Variants in CLYBL observed in about 807,000 individuals in gnomAD.
CLYBL encodes the protein citramalyl-CoA lyase, mitochondrial.
In CLYBL, 31 loss-of-function variants were observed where a neutral mutation model predicts 38.9. That is an observed-to-expected ratio of 0.80 (90% CI 0.60 to 1.08). The LOEUF (loss-of-function observed/expected upper bound fraction) is 1.08, where lower values mean the gene tolerates loss of function less well. CLYBL is among the 50% of genes least tolerant of loss of function. The pLI, the probability that CLYBL is intolerant of heterozygous loss-of-function variation, is 0.00. For synonymous variants in CLYBL, 171 were observed against 158.6 expected, an observed-to-expected ratio of 1.08 and a Z score of -0.59; for missense variants, 434 against 411.6, an observed-to-expected ratio of 1.05 and a Z score of -0.47.
chr13:99,816,624 A>C (rs1566338762), intron 2 of CLYBL, among the ~76,000 whole-genome samples: 1 of 152,338 alleles, frequency 6.6e-6, no homozygotes, highest in East Asian at 1.9e-4. Flanking sequence ...ACTAGCGCCC[A>C]TATGAAAGAG....
At chr13:99,738,945 A>G (rs921712898) in intron 1 of CLYBL, among the ~76,000 whole-genome samples, 1 of 152,244 alleles carries the variant, frequency 6.6e-6, no homozygotes, top group Admixed American at 6.5e-5. Flanking sequence ...CAAAAAGTGC[A>G]GGGAATACAC....
chr13:99,898,663 T>G (rs1468763278), downstream of CLYBL, among the ~76,000 whole-genome samples: 1 of 152,190 alleles, frequency 6.6e-6, no homozygotes, highest in Non-Finnish European at 1.5e-5. Context: ...ACACTGATCT[T>G]TTCCGAAGCC....
chr13:99,692,320 C>CTT (rs1167576162), intron 1 of CLYBL, among the ~76,000 whole-genome samples: 3 of 148,244 alleles, frequency 2.0e-5, no homozygotes, highest in Non-Finnish European at 4.5e-5. Flanking sequence ...TTGAGACAGT[C>CTT]TTGCTCAGTC....
At chr13:99,723,055 G>A (rs546597665) in intron 1 of CLYBL, among the ~76,000 whole-genome samples, 1 of 152,364 alleles carries the variant, frequency 6.6e-6, no homozygotes, top group South Asian at 2.1e-4. Flanking sequence ...ATCAATTACA[G>A]CGTTTATCCA....
At chr13:99,658,780 G>A (rs1172423441) in intron 1 of CLYBL, among the ~76,000 whole-genome samples, 1 of 152,134 alleles carries the variant, frequency 6.6e-6, no homozygotes, top group Non-Finnish European at 1.5e-5. Flanking sequence ...CCCCCAACCC[G>A]CCTCCACAGC....
chr13:99,706,726 T>G (rs2139476865), intron 1 of CLYBL, among the ~76,000 whole-genome samples: 1 of 152,256 alleles, frequency 6.6e-6, no homozygotes, highest in Middle Eastern at 3.4e-3. Context: ...CATCTCTGCT[T>G]CTTCAGCCGA....
At position 99,819,401 on chromosome 13, in the gene CLYBL, T is replaced by C. The variant is rs1383875518; in HGVS notation, c.250-39460T>C. Among the ~76,000 whole-genome samples the C allele has an allele frequency of 1.4e-4, 16 of 118,246 alleles. 1 individual carries two copies. Among genetic ancestry groups the C allele is most frequent in the Non-Finnish European group, 5.2e-5 (3 of 57,426 alleles). The allele number at this position is 118,246 out of a possible 152,430, so 77.6% of individuals were successfully genotyped here. A position where few individuals can be genotyped will look rare whatever the true frequency, so the allele number is the denominator to read the frequency against. ...TATACAGAGCAAAGTACTTGTATTA[T>C]CACTGGGAAAAAATTTATATATATA... On this transcript the variant is annotated intron_variant, in intron 2 of 8. Transcript: ENST00000339105.
chr13:99,882,330 C>A (rs1337832306), intron 7 of CLYBL, among the ~76,000 whole-genome samples: 1 of 152,098 alleles, frequency 6.6e-6, no homozygotes. Flanking sequence ...AATAATCATG[C>A]CTTCTGTACT....
chr13:99,628,040 G>A (rs952332063), intron 1 of CLYBL, among the ~76,000 whole-genome samples: 9 of 152,270 alleles, frequency 5.9e-5, no homozygotes, highest in Middle Eastern at 3.4e-3. Context: ...GTACTAAAAC[G>A]TGAAGTTTAC....
intron 1 of CLYBL, among the ~76,000 whole-genome samples, chr13:99,672,708 TG>T (rs533122103): frequency 1.5e-3 from 221 of 151,822 alleles, no homozygotes; most frequent in African/African-American, 4.7e-3. Context: ...AGGTTGAGGC[TG>T]TAGTGAGCTG....
intron 1 of CLYBL, among the ~76,000 whole-genome samples, chr13:99,668,993 T>C (rs1015190882): frequency 5.3e-5 from 8 of 149,996 alleles, no homozygotes; most frequent in African/African-American, 2.0e-4. Context: ...GGGGTGACTT[T>C]ATAGGCCCTC....
chr13:99,712,722 C>A (rs976873500), intron 1 of CLYBL, among the ~76,000 whole-genome samples: 2 of 151,988 alleles, frequency 1.3e-5, no homozygotes, highest in Admixed American at 1.3e-4. Context: ...AGCAATATAC[C>A]CTTACTACTT....
chr13:99,612,405 T>TTTTC (rs2046639963), intron 1 of CLYBL, among the ~76,000 whole-genome samples: 1 of 149,430 alleles, frequency 6.7e-6, no homozygotes, highest in East Asian at 2.0e-4. Flanking sequence ...TTTTTTTTTT[T>TTTTC]GAGACAAGGT....
chr13:99,621,711 A>G (rs951989324), intron 1 of CLYBL, among the ~76,000 whole-genome samples: 6 of 152,034 alleles, frequency 3.9e-5, no homozygotes, highest in Non-Finnish European at 7.4e-5. Context: ...AATACGACCC[A>G]ACACAAATTT....
chr13:99,729,149 A>G (rs2048536271), intron 1 of CLYBL, among the ~76,000 whole-genome samples: 1 of 152,236 alleles, frequency 6.6e-6, no homozygotes, highest in Non-Finnish European at 1.5e-5. Context: ...AATAGTACTG[A>G]AAAGAATGAT....
chr13:99,898,205 CTGTTT>C (rs2052604725), downstream of CLYBL, among the ~76,000 whole-genome samples: 2 of 152,162 alleles, frequency 1.3e-5, no homozygotes, highest in South Asian at 4.2e-4. Context: ...TGGCTGGGTT[CTGTTT>C]TGTTTTTAAA....
intron 2 of CLYBL, among the ~76,000 whole-genome samples, chr13:99,824,084 T>C (rs2050640157): frequency 6.6e-6 from 1 of 152,256 alleles, no homozygotes; most frequent in Non-Finnish European, 1.5e-5. Flanking sequence ...ATTTATTTTA[T>C]CCTCACAGAT....
chr13:99,651,007 T>TG (rs1254005955), intron 1 of CLYBL, among the ~76,000 whole-genome samples: 2 of 152,234 alleles, frequency 1.3e-5, no homozygotes, highest in African/African-American at 4.8e-5. Context: ...CCATGGCTCA[T>TG]GCTGCTGCTT....
At chr13:99,666,475 C>T (rs1435059933) in intron 1 of CLYBL, among the ~76,000 whole-genome samples, 1 of 152,158 alleles carries the variant, frequency 6.6e-6, no homozygotes, top group African/African-American at 2.4e-5. Context: ...CCACAACTCT[C>T]ACAAATCTCA....
Sources: allele counts gnomAD v4.1 joint callset (sites outside exome capture counted in the v4.1 genomes callset), GRCh38; gene constraint gnomAD v4.1.1; transcripts MANE v1.5; gene names NCBI Gene and HGNC (gene_info 2026-07-23, HGNC 2026-07-21).